The following KIAA1549L variants were observed in gnomAD, a reference collection of about 807,000 sequenced individuals.
The protein encoded by KIAA1549L is UPF0606 protein KIAA1549L.
KIAA1549L carries 88 observed loss-of-function variants against 160.7 expected under a neutral mutation model. The ratio of observed to expected loss-of-function variants is 0.55; its 90% CI spans 0.46 to 0.65. The LOEUF (loss-of-function observed/expected upper bound fraction) is 0.65. Among genes scored for constraint, KIAA1549L ranks in the 30% least tolerant of loss-of-function variants. KIAA1549L has a pLI of 0.00. For synonymous variants in KIAA1549L, 950 were observed against 976.7 expected, an observed-to-expected ratio of 0.97 and a Z score of 0.51; for missense variants, 2,258 against 2,437.5, an observed-to-expected ratio of 0.93 and a Z score of 1.55.
rs537971958 is a variant in KIAA1549L, at chr11:33,473,723, A to T, written c.239-68079A>T. The stretch of plus-strand genomic sequence containing the variant: ...TCCCCATTCCCTGACCATTTTCCTC[A>T]TTCTCCCCTCTTGGCTAATTTTATA... On this transcript the variant is annotated intron_variant, in intron 1 of 20. Coordinates refer to ENST00000658780, the MANE Select transcript of KIAA1549L (RefSeq NM_012194.3). Among the ~76,000 whole-genome samples the T allele has an allele frequency of 9.2e-5, 14 of 151,990 alleles. No individual in the cohort carries two copies. In the East Asian group the frequency reaches 2.5e-3, roughly 27 times the overall value.
chr11:33,591,568 AGAT>A (rs2133288020), intron 12 of KIAA1549L, 147 bp downstream of exon 12: 1 of 666,254 alleles, frequency 1.5e-6, no homozygotes, highest in East Asian at 2.8e-5. Context: ...AGACTAAAGG[AGAT>A]GATGAGAATC....
intron 8 of KIAA1549L, among the ~76,000 whole-genome samples, chr11:33,567,702 T>A (rs1048606893): frequency 2.6e-5 from 4 of 152,218 alleles, no homozygotes; most frequent in African/African-American, 9.7e-5. Flanking sequence ...CCATGTGGAC[T>A]TTTAGCAACA....
chr11:33,599,778 C>T (rs1850306451), intron 13 of KIAA1549L, among the ~76,000 whole-genome samples: 2 of 152,148 alleles, frequency 1.3e-5, no homozygotes, highest in South Asian at 4.1e-4. Flanking sequence ...TTACTGGGGC[C>T]AGAATTCAAG....
chr11:33,414,541 G>A (rs566063916), intron 1 of KIAA1549L, among the ~76,000 whole-genome samples: 10 of 152,154 alleles, frequency 6.6e-5, no homozygotes, highest in Non-Finnish European at 1.2e-4. Context: ...TGGATCAAAC[G>A]GAGTGCACAT....
At chr11:33,547,529 C>G (rs1590331510) in intron 3 of KIAA1549L, among the ~76,000 whole-genome samples, 1 of 152,286 alleles carries the variant, frequency 6.6e-6, no homozygotes, top group East Asian at 1.9e-4. Flanking sequence ...TGAAACGCCA[C>G]CAGCATACCA....
chr11:33,498,227 C>G (rs770184854), intron 1 of KIAA1549L, among the ~76,000 whole-genome samples: 3 of 152,162 alleles, frequency 2.0e-5, no homozygotes, highest in African/African-American at 7.2e-5. Flanking sequence ...CCCAGAAGGT[C>G]GAGGCCACCA....
chr11:33,583,419 T>C lies in KIAA1549L; in HGVS notation c.4484T>C (p.Ile1495Thr), dbSNP rs776951917. Residue 1495 changes from isoleucine (I) to threonine (T), a missense_variant, in exon 11 of 21, where the codon ATC (isoleucine) becomes ACC (threonine). Around this residue, in one of 6 missense-constraint regions of KIAA1549L, gnomAD observed 1,359 missense variants for 1,546.6 expected, o/e 0.88. Transcript: ENST00000658780. ...ATTGCCGTGGTCACGGTCATCATCA[T>C]CATCATCACTGCCGTGCTCTGCAGG... is the stretch of plus-strand genomic sequence containing the variant. ...APIAVVTVIIIIITAVLCRKN... is the reference protein window; with the variant it reads ...APIAVVTVIITIITAVLCRKN... The C allele has an allele frequency of 1.3e-6, 2 of 1,598,118 alleles. No individual in the cohort carries two copies. The highest frequency in any genetic ancestry group is 1.7e-4 in the Middle Eastern group (1 of 6,050).
At chr11:33,588,276 G>A (rs930105085) in intron 11 of KIAA1549L, among the ~76,000 whole-genome samples, 2 of 152,146 alleles carry the variant, frequency 1.3e-5, no homozygotes, top group Admixed American at 6.5e-5. Flanking sequence ...CCCTATCGTT[G>A]GAACAAAACT....
intron 20 of KIAA1549L, among the ~76,000 whole-genome samples, chr11:33,667,612 T>C (rs1852514916): frequency 6.6e-6 from 1 of 152,168 alleles, no homozygotes; most frequent in Non-Finnish European, 1.5e-5. Context: ...GCCAGGATGG[T>C]CTTGATCTCC....
chr11:33,592,304 T>A (rs1422524833), intron 12 of KIAA1549L, among the ~76,000 whole-genome samples: 1 of 152,186 alleles, frequency 6.6e-6, no homozygotes, highest in African/African-American at 2.4e-5. Context: ...AAGATAATGA[T>A]GTTAGCCTAT....
chr11:33,534,923 A>G (rs1463792612), intron 1 of KIAA1549L, among the ~76,000 whole-genome samples: 3 of 152,164 alleles, frequency 2.0e-5, no homozygotes, highest in Non-Finnish European at 4.4e-5. Context: ...TTCTATTGCT[A>G]TGTGACAAAT....
intron 1 of KIAA1549L, among the ~76,000 whole-genome samples, chr11:33,378,014 CTTTG>C (rs1849991760): frequency 6.6e-6 from 1 of 152,184 alleles, no homozygotes; most frequent in East Asian, 1.9e-4. Flanking sequence ...GTTCAGGAAT[CTTTG>C]GATGTGTGCC....
intron 20 of KIAA1549L, chr11:33,665,599 T>C (rs1446322359): frequency 3.2e-3 from 1 of 316 alleles, no homozygotes; most frequent in Non-Finnish European, 5.1e-3. Flanking sequence ...GATTGGTCCA[T>C]GGGTGGGACA....
chr11:33,632,214 G>T (rs190297405), intron 16 of KIAA1549L, among the ~76,000 whole-genome samples: 1 of 152,356 alleles, frequency 6.6e-6, no homozygotes, highest in Non-Finnish European at 1.5e-5. Flanking sequence ...ACACAGGTCT[G>T]TGTTCCCTTG....
intron 1 of KIAA1549L, among the ~76,000 whole-genome samples, chr11:33,524,718 A>G (rs1853574714): frequency 6.6e-6 from 1 of 152,194 alleles, no homozygotes; most frequent in South Asian, 2.1e-4. Context: ...ATGTATCTGC[A>G]TGTGTATGTC....
intron 16 of KIAA1549L, among the ~76,000 whole-genome samples, chr11:33,629,607 C>T (rs1224064398): frequency 1.3e-5 from 2 of 151,622 alleles, no homozygotes; most frequent in African/African-American, 2.4e-5. Context: ...GCATTCTTCA[C>T]GTAGTTCTCG....
chr11:33,478,885 C>A (rs1172635755), intron 1 of KIAA1549L, among the ~76,000 whole-genome samples: 1 of 152,136 alleles, frequency 6.6e-6, no homozygotes, highest in Non-Finnish European at 1.5e-5. Flanking sequence ...CCTGCCTTGG[C>A]CTCCCAAAGT....
intron 1 of KIAA1549L, among the ~76,000 whole-genome samples, chr11:33,499,745 A>C (rs540310047): frequency 8.9e-4 from 135 of 152,342 alleles, no homozygotes; most frequent in African/African-American, 3.1e-3. Flanking sequence ...AAGCCATTAG[A>C]TACTCTCTGA....
intron 1 of KIAA1549L, among the ~76,000 whole-genome samples, chr11:33,441,637 T>C (rs1296889099): frequency 1.3e-5 from 2 of 152,178 alleles, no homozygotes; most frequent in Non-Finnish European, 2.9e-5. Flanking sequence ...TGGTATCTCA[T>C]TGTGGTTTTG....
Sources: gnomAD v4.1 joint callset for allele counts (sites outside exome capture counted in the v4.1 genomes callset) on GRCh38, gnomAD v4.1.1 for gene constraint, gnomAD v4.1.1 regional missense constraint, MANE v1.5 for transcripts, NCBI Gene and HGNC (gene_info 2026-07-23, HGNC 2026-07-21) for gene names.